Variants in DNAH11 observed in about 807,000 individuals in gnomAD.
DNAH11 encodes axonemal beta dynein heavy chain 11.
Under a neutral mutation model 526.0 loss-of-function variants are expected in DNAH11, and 442 were observed. The ratio of observed to expected loss-of-function variants is 0.84; its 90% CI spans 0.78 to 0.91. The LOEUF is 0.91. Among genes scored for constraint, DNAH11 ranks in the 40% least tolerant of loss-of-function variants. DNAH11 has a pLI of 0.00. For synonymous variants in DNAH11, 2,461 were observed against 1,935.9 expected (o/e 1.27, Z -7.12); for missense variants, 6,989 against 5,448.7 (o/e 1.28, Z -8.90).
At position 21,589,316 on chromosome 7, in the gene DNAH11, G is replaced by A. The variant is rs1784593024; in HGVS notation, c.2082G>A (p.Val694=). 2 of 1,610,394 alleles carry A rather than the reference G, an allele frequency of 1.2e-6. No individual in the cohort carries two copies. Among genetic ancestry groups the A allele is most frequent in the East Asian group, 2.2e-5 (1 of 44,586 alleles). The change falls in exon 12 of 82, where the codon GTG becomes GTA. Residue 694 remains valine (V), a synonymous_variant. Transcript: ENST00000409508. ...TCTATAATGAATGGAAAAGTAATGT[G>A]GATGAAATCTGTGAATTCAATTTGA... ...SRIYNEWKSN[V]DEICEFNLNQ... is the part of the protein sequence containing the mutation.
At chr7:21,701,833 G>T (rs896772661) in intron 36 of DNAH11, among the ~76,000 whole-genome samples, 14 of 152,126 alleles carry the variant, frequency 9.2e-5, no homozygotes, top group African/African-American at 3.4e-4. Context: ...TATAGATGAT[G>T]ATTCTGAGGC....
chr7:21,544,749 A>G (rs1016746711), intron 1 of DNAH11, among the ~76,000 whole-genome samples: 4 of 152,098 alleles, frequency 2.6e-5, no homozygotes, highest in Non-Finnish European at 5.9e-5. Flanking sequence ...GTGTATAATG[A>G]ACTGGTATAA....
chr7:21,660,883 T>C, intron 30 of DNAH11, among the ~76,000 whole-genome samples: 1 of 152,100 alleles, frequency 6.6e-6, no homozygotes, highest in East Asian at 1.9e-4. Flanking sequence ...CTACATATTT[T>C]CTTGTCATAA....
At chr7:21,608,914 G>A (rs1329261425) in intron 20 of DNAH11, among the ~76,000 whole-genome samples, 1 of 152,104 alleles carries the variant, frequency 6.6e-6, no homozygotes, top group East Asian at 1.9e-4. Flanking sequence ...TCATGTTCTT[G>A]GTGTGTTTGT....
chr7:21,899,229 T>C (rs1784646499), intron 79 of DNAH11, 107 bp from the exon 80 acceptor site: 13 of 832,870 alleles, frequency 1.6e-5, no homozygotes, highest in Non-Finnish European at 8.4e-6. Context: ...AGCAGTGGTA[T>C]ACTTCTCCTC....
intron 39 of DNAH11, among the ~76,000 whole-genome samples, chr7:21,707,190 C>T (rs539744961): frequency 1.3e-5 from 2 of 152,306 alleles, no homozygotes; most frequent in South Asian, 4.2e-4. Context: ...ATGGCCAGAC[C>T]AGCATCATTG....
At chr7:21,570,505 T>G in intron 7 of DNAH11, 2 of 450,486 alleles carry the variant, frequency 4.4e-6, no homozygotes, top group African/African-American at 2.0e-5. Context: ...TAAAAGTTCA[T>G]TTTTGATTCC....
intron 45 of DNAH11, among the ~76,000 whole-genome samples, chr7:21,732,586 A>G (rs549497946): frequency 2.6e-4 from 39 of 152,320 alleles, no homozygotes; most frequent in African/African-American, 9.4e-4. Flanking sequence ...GGACTTCAAC[A>G]TAGAAATTTG....
Position 21,842,700 on chromosome 7 carries a change from G to T in DNAH11, c.10848G>T (p.Leu3616=), listed in dbSNP as rs757295555. 4 of 1,613,578 alleles carry T rather than the reference G, an allele frequency of 2.5e-6. No individual in the cohort carries two copies. The highest frequency in any genetic ancestry group is 3.4e-6 in the Non-Finnish European group (4 of 1,179,692). The change falls in exon 66 of 82, where the codon CTG becomes CTT. Residue 3616 remains leucine (L), a synonymous_variant. Coordinates refer to ENST00000409508, the MANE Select transcript of DNAH11 (RefSeq NM_001277115.2). ...TVTEDGLEAQ[L]LAEVVSIERP... is the part of the protein sequence containing the mutation. Reference sequence around the variant, plus strand: ...CAGAAGATGGTCTAGAAGCCCAGCTGCTGGCAGAGGTTGTCAGTATTGAAA... The same window carrying T: ...CAGAAGATGGTCTAGAAGCCCAGCTTCTGGCAGAGGTTGTCAGTATTGAAA...
rs1298761580 is a variant in DNAH11 at position 21,704,487 on chromosome 7, C to T, written c.6327C>T (p.Asp2109=). The change falls in exon 38 of 82, where the codon GAC becomes GAT. Residue 2109 remains aspartate (D), a synonymous_variant. Transcript: ENST00000409508. ...ATATGCCCAAAATAGTGACTGACGA[C>T]ATCCCAGTGTTTCTGGGCCTGGTCG... ...DFNMPKIVTD[D]IPVFLGLVGD... is the part of the protein sequence containing the mutation. 2 of 1,613,672 alleles carry T rather than the reference C, an allele frequency of 1.2e-6. No individual in the cohort carries two copies. The highest frequency in any genetic ancestry group is 2.7e-5 in the African/African-American group (2 of 74,904).
At chr7:21,763,326 A>G (rs1238295533) in intron 54 of DNAH11, among the ~76,000 whole-genome samples, 3 of 120,040 alleles carry the variant, frequency 2.5e-5, no homozygotes, top group Non-Finnish European at 3.4e-5. Flanking sequence ...TGGGCAACAG[A>G]GCAAGACTGT....
intron 65 of DNAH11, among the ~76,000 whole-genome samples, chr7:21,819,008 C>T (rs1047706788): frequency 7.9e-5 from 12 of 152,058 alleles, no homozygotes; most frequent in Admixed American, 2.6e-4. Flanking sequence ...GTCATCATGT[C>T]ACTTTCCTAT....
At chr7:21,897,278 T>C (rs903502081) in intron 79 of DNAH11, among the ~76,000 whole-genome samples, 2 of 152,160 alleles carry the variant, frequency 1.3e-5, no homozygotes, top group African/African-American at 2.4e-5. Context: ...TTCCTGTTTG[T>C]TGGATTTGCT....
At chr7:21,863,524 C>G (rs1337323384) in intron 69 of DNAH11, among the ~76,000 whole-genome samples, 2 of 152,134 alleles carry the variant, frequency 1.3e-5, no homozygotes, top group Non-Finnish European at 2.9e-5. Flanking sequence ...GATGGGGTTT[C>G]ACCATGTTGG....
At chr7:21,732,495 C>G (rs528708262) in intron 45 of DNAH11, among the ~76,000 whole-genome samples, 1 of 152,148 alleles carries the variant, frequency 6.6e-6, no homozygotes, top group Non-Finnish European at 1.5e-5. Flanking sequence ...AATATTACTC[C>G]GGTATGACTT....
At chr7:21,787,621 A>G (rs1443558990) in intron 60 of DNAH11, 38 bp downstream of exon 60, 1 of 1,532,116 alleles carries the variant, frequency 6.5e-7, no homozygotes, top group Admixed American at 2.0e-5. Flanking sequence ...GATGTTCTCC[A>G]CAAAGGGCTG....
chr7:21,713,896 C>G (rs1784550720), intron 42 of DNAH11, among the ~76,000 whole-genome samples: 1 of 152,158 alleles, frequency 6.6e-6, no homozygotes, highest in South Asian at 2.1e-4. Flanking sequence ...CTTTCCACAC[C>G]TAGGATTCTG....
At chr7:21,556,919 G>T (rs550270642) in intron 2 of DNAH11, among the ~76,000 whole-genome samples, 1 of 152,112 alleles carries the variant, frequency 6.6e-6, no homozygotes, top group South Asian at 2.1e-4. Context: ...AAACTAGCTG[G>T]GCATGGTGGC....
At chr7:21,786,274 A>C (rs752416982) in intron 58 of DNAH11, among the ~76,000 whole-genome samples, 1 of 150,214 alleles carries the variant, frequency 6.7e-6, no homozygotes, top group African/African-American at 2.5e-5. Context: ...GTGGGATAGA[A>C]CCTATAAATA....
Sources: allele counts gnomAD v4.1 joint callset (sites outside exome capture counted in the v4.1 genomes callset), GRCh38; gene constraint gnomAD v4.1.1; transcripts MANE v1.5; gene names NCBI Gene and HGNC (gene_info 2026-07-23, HGNC 2026-07-21).